The following ETS1 variants were observed in gnomAD, a reference collection of about 807,000 sequenced individuals.
ETS1 encodes protein C-ets-1.
ETS1 carries 15 observed loss-of-function variants against 58.6 expected under a neutral mutation model. That is an observed-to-expected ratio of 0.26 (90% CI 0.17 to 0.39). The LOEUF (loss-of-function observed/expected upper bound fraction) is 0.39, where lower values mean the gene tolerates loss of function less well. Among genes scored for constraint, ETS1 ranks in the 10% least tolerant of loss-of-function variants. ETS1 has a pLI of 1.00. For missense variants in ETS1, 417 were observed against 610.5 expected (o/e 0.68, Z 3.34); for synonymous variants, 214 against 218.2 (o/e 0.98, Z 0.17).
intron 3 of ETS1, among the ~76,000 whole-genome samples, chr11:128,524,509 T>A (rs1863762798): frequency 1.3e-5 from 2 of 152,168 alleles, no homozygotes; most frequent in African/African-American, 2.4e-5. Flanking sequence ...ACTAATAAGG[T>A]CATGTTAAAA....
chr11:128,475,548 G>A (rs1862297986), intron 8 of ETS1, among the ~76,000 whole-genome samples: 1 of 140,272 alleles, frequency 7.1e-6, no homozygotes, highest in Non-Finnish European at 1.5e-5. Context: ...AGAGGAGAAT[G>A]CACAGGGCTT....
intron 8 of ETS1, among the ~76,000 whole-genome samples, chr11:128,468,857 C>A (rs1047454379): frequency 1.3e-5 from 2 of 152,198 alleles, no homozygotes. Flanking sequence ...ACAAAAAATT[C>A]TTTGCTGTTG....
chr11:128,475,939 A>T (rs1035942782), intron 8 of ETS1, among the ~76,000 whole-genome samples: 2 of 151,976 alleles, frequency 1.3e-5, no homozygotes, highest in African/African-American at 4.8e-5. Context: ...TGGAAGTTGA[A>T]TTCCAGATAG....
chr11:128,563,079 G>A, intron 2 of ETS1, among the ~76,000 whole-genome samples: 1 of 152,112 alleles, frequency 6.6e-6, no homozygotes, highest in Non-Finnish European at 1.5e-5. Flanking sequence ...GTCTTTAGCA[G>A]AACAGTCTTC....
intron 3 of ETS1, among the ~76,000 whole-genome samples, chr11:128,553,333 T>C (rs1197051361): frequency 6.6e-6 from 1 of 152,228 alleles, no homozygotes; most frequent in Non-Finnish European, 1.5e-5. Flanking sequence ...GTGGCTTCCC[T>C]TTTTAGCTGT....
chr11:128,554,792 A>G (rs1375483959), intron 3 of ETS1, among the ~76,000 whole-genome samples: 1 of 152,072 alleles, frequency 6.6e-6, no homozygotes, highest in Non-Finnish European at 1.5e-5. Flanking sequence ...GCCTTGTGGC[A>G]TTAATAGGAT....
Position 128,566,701 on chromosome 11 carries a change from T to G in ETS1, c.69+6361A>C, listed in dbSNP as rs554868312. 7.4e-5 allele frequency among the ~76,000 whole-genome samples: 11 copies of G among 149,092 alleles called. No individual in the cohort carries two copies. The South Asian group carries it at 2.3e-3, about 32-fold the overall frequency. ...AGGAGGCTGAGGCAGGAGAATGGCGTGAATCTGGGGGGCAGAGCCTGCTGT... is the reference window on the plus strand; with the variant it reads ...AGGAGGCTGAGGCAGGAGAATGGCGGGAATCTGGGGGGCAGAGCCTGCTGT... On this transcript the variant is annotated intron_variant, in intron 2 of 9. Coordinates refer to ENST00000392668, the MANE Select transcript of ETS1 (RefSeq NM_001143820.2).
intron 8 of ETS1, among the ~76,000 whole-genome samples, chr11:128,468,340 C>T (rs1201871125): frequency 1.3e-5 from 2 of 152,338 alleles, no homozygotes; most frequent in Non-Finnish European, 2.9e-5. Flanking sequence ...TGGTCCCTTG[C>T]CCTGAGGCTG....
intron 1 of ETS1, among the ~76,000 whole-genome samples, chr11:128,585,060 GA>G (rs1273596373): frequency 0.048 from 1,012 of 21,064 alleles, 109 homozygotes; most frequent in Non-Finnish European, 0.05. Flanking sequence ...AAGAAAGAAA[GA>G]AAGAAAGAAA....
chr11:128,562,297 T>C (rs1864416956), intron 2 of ETS1, among the ~76,000 whole-genome samples: 1 of 152,062 alleles, frequency 6.6e-6, no homozygotes, highest in Non-Finnish European at 1.5e-5. Context: ...TAATCCCAGT[T>C]ACTCTGGAGG....
In ETS1 at chr11:128,497,517, C is replaced by A. The variant is rs1025762551; in HGVS notation, c.215-6941G>T. On this transcript the variant is annotated intron_variant, in intron 3 of 9. Transcript: ENST00000392668. ...TTCATCCACCTCCTGCCCCATCCCCCAAAAGGAGTTTTAACACATTATTAC... is the reference window on the plus strand; with the variant it reads ...TTCATCCACCTCCTGCCCCATCCCCAAAAAGGAGTTTTAACACATTATTAC... The A allele has an allele frequency of 1.3e-5, 11 of 858,806 alleles. No homozygotes were observed. In the African/African-American group the frequency reaches 1.8e-4, roughly 14 times the overall value. The allele number at this position is 858,806 out of a possible 1,614,324, so 53.2% of individuals were successfully genotyped here.
At chr11:128,515,931 G>A (rs1167572705) in intron 3 of ETS1, among the ~76,000 whole-genome samples, 1 of 152,168 alleles carries the variant, frequency 6.6e-6, no homozygotes, top group African/African-American at 2.4e-5. Flanking sequence ...AGTAGACACT[G>A]GAAAGCACCT....
At chr11:128,494,923 C>T (rs1184227279) in intron 3 of ETS1, among the ~76,000 whole-genome samples, 1 of 152,110 alleles carries the variant, frequency 6.6e-6, no homozygotes, top group Non-Finnish European at 1.5e-5. Flanking sequence ...CTGGGCCCAA[C>T]CCCATCAGAT....
chr11:128,504,283 C>T (rs1268760250), intron 3 of ETS1, among the ~76,000 whole-genome samples: 1 of 152,212 alleles, frequency 6.6e-6, no homozygotes, highest in Non-Finnish European at 1.5e-5. Context: ...GGAGCAATAA[C>T]TATCAGCCCG....
At chr11:128,479,720 C>T (rs1006466417) in intron 8 of ETS1, among the ~76,000 whole-genome samples, 2 of 152,138 alleles carry the variant, frequency 1.3e-5, no homozygotes, top group Non-Finnish European at 2.9e-5. Context: ...ACTGTTCCCA[C>T]ATTTGAACAG....
In ETS1 at chr11:128,545,025, G is replaced by T. The variant is rs544100420; in HGVS notation, c.214+11266C>A. Among the ~76,000 whole-genome samples the T allele has an allele frequency of 2.8e-3, 430 of 152,010 alleles. 2 individuals are homozygous for T. The highest frequency in any genetic ancestry group is 6.8e-3 in the Middle Eastern group (2 of 294). On this transcript the variant is annotated intron_variant, in intron 3 of 9. Coordinates refer to ENST00000392668, the MANE Select transcript of ETS1 (RefSeq NM_001143820.2). ...CACGGAGCTGGCTGGTTGGGGGTGG[G>T]GGGGGCAGTGTAAGGGGACAAAGGG...
intron 2 of ETS1, among the ~76,000 whole-genome samples, chr11:128,558,514 G>A (rs1864350763): frequency 6.6e-6 from 1 of 151,940 alleles, no homozygotes; most frequent in African/African-American, 2.4e-5. Flanking sequence ...GCGTGGTGGT[G>A]GGCGCCTGTA....
At chr11:128,471,029 C>T (rs149512296) in intron 8 of ETS1, among the ~76,000 whole-genome samples, 1 of 152,314 alleles carries the variant, frequency 6.6e-6, no homozygotes, top group East Asian at 1.9e-4. Context: ...TTTCCCGATG[C>T]ACCTTTTTCC....
Position 128,522,170 on chromosome 11 carries a change from C to A in ETS1, c.215-31594G>T. ...CCGCGCCCGGACGGTGCGCGCCCGG[C>A]ACTCCAGGGGAAGTTGGCACTTTGC... On this transcript the variant is annotated intron_variant, in intron 3 of 9. Transcript: ENST00000392668. 4 of 1,295,296 alleles carry A rather than the reference C, an allele frequency of 3.1e-6. No homozygotes were observed. The African/African-American group carries it at 4.6e-5, about 15-fold the overall frequency. The allele number at this position is 1,295,296 out of a possible 1,614,324, so 80.2% of individuals were successfully genotyped here. A position where few individuals can be genotyped will look rare whatever the true frequency, so the allele number is the denominator to read the frequency against.
Sources: allele counts gnomAD v4.1 joint callset (sites outside exome capture counted in the v4.1 genomes callset), GRCh38; gene constraint gnomAD v4.1.1; transcripts MANE v1.5; gene names NCBI Gene and HGNC (gene_info 2026-07-23, HGNC 2026-07-21).